Variants in IMPG2 observed in about 807,000 individuals in gnomAD.
IMPG2 encodes the protein IPM 200.
Under a neutral mutation model 129.2 loss-of-function variants are expected in IMPG2, and 91 were observed. The ratio of observed to expected loss-of-function variants is 0.70; its 90% CI spans 0.59 to 0.84. The LOEUF is 0.84. Ranked by LOEUF, IMPG2 falls within the 40% of genes least tolerant of loss-of-function variation. The probability of loss-of-function intolerance (pLI) is 0.00; values close to 1 mark genes in which losing one functional copy is unlikely to be tolerated. For missense variants in IMPG2, 1,430 were observed against 1,461.7 expected, an observed-to-expected ratio of 0.98 and a Z score of 0.35; for synonymous variants, 510 against 517.7, an observed-to-expected ratio of 0.99 and a Z score of 0.20.
At chr3:101,233,674 CA>C (rs1213012512) in intron 14 of IMPG2, among the ~76,000 whole-genome samples, 1 of 152,030 alleles carries the variant, frequency 6.6e-6, no homozygotes, top group South Asian at 2.1e-4. Flanking sequence ...AGTAATCAGT[CA>C]AAAAAGATAT....
intron 10 of IMPG2, among the ~76,000 whole-genome samples, chr3:101,255,400 C>T (rs1706587562): frequency 6.6e-6 from 1 of 152,060 alleles, no homozygotes; most frequent in Non-Finnish European, 1.5e-5. Flanking sequence ...TTTAGGATAC[C>T]TTTATGAAAG....
intron 10 of IMPG2, among the ~76,000 whole-genome samples, chr3:101,256,221 A>AAAGAAAGAAAG (rs879352995): frequency 1.4e-4 from 18 of 131,480 alleles, no homozygotes; most frequent in East Asian, 7.2e-4. Context: ...AAGAAAGAAA[A>AAAGAAAGAAAG]AAATATCTTA....
In IMPG2 at chr3:101,228,849, C is replaced by A. The variant is rs1023070301; in HGVS notation, c.3661G>T (p.Glu1221Ter). Residue 1221 changes from glutamate (E) to a stop codon, truncating the protein, a stop_gained, in exon 18 of 19, where the codon GAA (glutamate) becomes TAA (stop). Coordinates refer to ENST00000193391, the MANE Select transcript of IMPG2 (RefSeq NM_016247.4). LOFTEE classifies it high-confidence loss of function. ...AACTCAGGATCATTGGCATACAGTT[C>A]CAAAACTCTCATTCTCTCTTGAATT... is the stretch of plus-strand genomic sequence containing the variant. ...EEIQERMRVL[E>*]LYANDPEFAA... The A allele has an allele frequency of 6.2e-7, 1 of 1,613,788 alleles. No individual in the cohort carries two copies. Among genetic ancestry groups the A allele is most frequent in the South Asian group, 1.1e-5 (1 of 91,064 alleles).
chr3:101,270,385 A>G (rs776661285), intron 7 of IMPG2, among the ~76,000 whole-genome samples: 3 of 152,186 alleles, frequency 2.0e-5, no homozygotes, highest in Non-Finnish European at 4.4e-5. Flanking sequence ...CACCCAGACG[A>G]GAGGCCTTGT....
Position 101,226,831 on chromosome 3 carries a change from G to A in IMPG2, c.*138C>T, listed in dbSNP as rs1050511303. ...GAAAACTTAAGCTGAAAAAAAAACAGTGTGCCCTATATTTAATTTTTTCAT... is the reference window on the plus strand; with the variant it reads ...GAAAACTTAAGCTGAAAAAAAAACAATGTGCCCTATATTTAATTTTTTCAT... On this transcript the variant is annotated 3_prime_UTR_variant, in exon 19 of 19. Coordinates refer to ENST00000193391, the MANE Select transcript of IMPG2 (RefSeq NM_016247.4). The A allele has an allele frequency of 2.5e-6, 2 of 812,664 alleles. No individual in the cohort carries two copies. The highest frequency in any genetic ancestry group is 1.7e-5 in the African/African-American group (1 of 57,282). The allele number at this position is 812,664 out of a possible 1,614,324, so 50.3% of individuals were successfully genotyped here.
rs1422661440 is a variant in IMPG2 at position 101,231,070 on chromosome 3, G to A, written c.3309C>T (p.Gly1103=). The change falls in exon 16 of 19, where the codon GGC becomes GGT. Residue 1103 remains glycine, a synonymous_variant. Transcript: ENST00000193391. ...GTCCAACCACGGAGGCAATAGTGAT[G>A]CCTATGATCACGGGCTCAGACACAA... The part of the protein sequence containing the change: ...EEFVSEPVII[G]ITIASVVGLL... 1.2e-6 allele frequency: 2 copies of A among 1,614,114 alleles called. No individual in the cohort carries two copies. Among genetic ancestry groups the A allele is most frequent in the Non-Finnish European group, 1.7e-6 (2 of 1,179,976 alleles).
intron 3 of IMPG2, among the ~76,000 whole-genome samples, chr3:101,294,414 A>G (rs1328055031): frequency 6.6e-6 from 1 of 152,152 alleles, no homozygotes; most frequent in Non-Finnish European, 1.5e-5. Context: ...TCTGCAAAGG[A>G]CATGCTCTCA....
intron 2 of IMPG2, among the ~76,000 whole-genome samples, chr3:101,305,569 G>C (rs1707181115): frequency 6.6e-6 from 1 of 152,076 alleles, no homozygotes; most frequent in Non-Finnish European, 1.5e-5. Flanking sequence ...AGGGAAAAGT[G>C]GTGGGGGAGT....
At chr3:101,266,635 C>T (rs1325530655) in intron 9 of IMPG2, among the ~76,000 whole-genome samples, 2 of 152,052 alleles carry the variant, frequency 1.3e-5, no homozygotes, top group Non-Finnish European at 2.9e-5. Flanking sequence ...GCATGGAGAC[C>T]CAGCTGCAAA....
At chr3:101,240,559 A>C (rs552552946) in intron 14 of IMPG2, among the ~76,000 whole-genome samples, 1 of 152,242 alleles carries the variant, frequency 6.6e-6, no homozygotes, top group Non-Finnish European at 1.5e-5. Context: ...TACAGAGGCC[A>C]GGCAATATTA....
At chr3:101,299,725 C>T (rs1045721713) in intron 3 of IMPG2, among the ~76,000 whole-genome samples, 13 of 152,144 alleles carry the variant, frequency 8.5e-5, no homozygotes. Flanking sequence ...ATTCCCATGC[C>T]TGGAGATGTC....
intron 4 of IMPG2, among the ~76,000 whole-genome samples, chr3:101,282,725 T>C (rs1192947759): frequency 6.6e-6 from 1 of 152,256 alleles, no homozygotes; most frequent in South Asian, 2.1e-4. Context: ...AGAGACCATG[T>C]AGGAATACAC....
chr3:101,300,704 C>A (rs993414417), intron 3 of IMPG2, among the ~76,000 whole-genome samples: 110 of 152,236 alleles, frequency 7.2e-4, no homozygotes, highest in African/African-American at 2.6e-3. Context: ...GATGACAAAA[C>A]CTGGATACCT....
chr3:101,261,519 TC>T (rs1273670533), intron 9 of IMPG2, among the ~76,000 whole-genome samples: 8 of 152,186 alleles, frequency 5.3e-5, no homozygotes, highest in Non-Finnish European at 1.0e-4. Context: ...AATATTTGCC[TC>T]TCAATGTTTC....
At chr3:101,234,036 T>C (rs796455418) in intron 14 of IMPG2, among the ~76,000 whole-genome samples, 4 of 151,822 alleles carry the variant, frequency 2.6e-5, no homozygotes, top group African/African-American at 9.7e-5. Context: ...TTGATCTCCT[T>C]TGGCTGCATG....
rs189364623 is a variant in IMPG2 at position 101,237,807 on chromosome 3, C to G, written c.3023-4816G>C. Among the ~76,000 whole-genome samples, 284 of 152,114 alleles carry G rather than the reference C, an allele frequency of 1.9e-3. 1 individual carries two copies. The highest frequency in any genetic ancestry group is 6.4e-3 in the African/African-American group (265 of 41,528). On this transcript the variant is annotated intron_variant, in intron 14 of 18. Coordinates refer to ENST00000193391, the MANE Select transcript of IMPG2 (RefSeq NM_016247.4). ...CTGAAAATTCCAAAAACGAGAATGCCTCTTCTTCCACAAAGAATCACAACT... is the reference window on the plus strand; with the variant it reads ...CTGAAAATTCCAAAAACGAGAATGCGTCTTCTTCCACAAAGAATCACAACT...
chr3:101,233,124 G>A (rs1293359602), intron 14 of IMPG2, 133 bp from the exon 15 acceptor site: 20 of 776,384 alleles, frequency 2.6e-5, no homozygotes, highest in Middle Eastern at 5.8e-4. Flanking sequence ...GTACACCATC[G>A]CCACCAATAC....
chr3:101,256,144 G>T (rs200525701), intron 10 of IMPG2, among the ~76,000 whole-genome samples: 3 of 45,292 alleles, frequency 6.6e-5, no homozygotes, highest in Non-Finnish European at 1.4e-4. Context: ...AAGAAAGAAA[G>T]AAAAGAAAGA....
At position 101,304,288 on chromosome 3, in the gene IMPG2, G is replaced by A. The variant is rs369582138; in HGVS notation, c.359C>T (p.Ala120Val). ...VRVCQEAVWE[A>V]FRTFWDRLPG... ...AAGTCGATCCCAAAAAGTCCTGAAGGCTTCCCAGACAGCTTCCTGACACAC... is the reference window on the plus strand; with the variant it reads ...AAGTCGATCCCAAAAAGTCCTGAAGACTTCCCAGACAGCTTCCTGACACAC... Residue 120 changes from alanine to valine, a missense_variant, in exon 3 of 19, where the codon GCC becomes GTC. Ala to Val is a moderately conservative substitution (Grantham distance 64, BLOSUM62 0). Coordinates refer to ENST00000193391, the MANE Select transcript of IMPG2 (RefSeq NM_016247.4). The A allele has an allele frequency of 5.0e-6, 8 of 1,613,708 alleles. No individual in the cohort carries two copies. The highest frequency in any genetic ancestry group is 1.6e-4 in the Middle Eastern group (1 of 6,082).
Sources: gnomAD v4.1 joint callset for allele counts (sites outside exome capture counted in the v4.1 genomes callset) on GRCh38, gnomAD v4.1.1 for gene constraint, MANE v1.5 for transcripts, NCBI Gene and HGNC (gene_info 2026-07-23, HGNC 2026-07-21) for gene names.